The following ZNF680 variants were observed in gnomAD, a reference collection of about 807,000 sequenced individuals.
ZNF680 encodes zinc finger protein 680.
In ZNF680, 6 loss-of-function variants were observed where a neutral mutation model predicts 12.1. The ratio of observed to expected loss-of-function variants is 0.49; its 90% CI spans 0.27 to 0.98. The LOEUF (loss-of-function observed/expected upper bound fraction) is 0.98, where lower values mean the gene tolerates loss of function less well. Among genes scored for constraint, ZNF680 ranks in the 50% least tolerant of loss-of-function variants. The pLI is 0.12. For synonymous variants in ZNF680, 170 were observed against 199.3 expected, an observed-to-expected ratio of 0.85 and a Z score of 1.24; for missense variants, 561 against 616.3, an observed-to-expected ratio of 0.91 and a Z score of 0.95.
chr7:64,563,019 G>C lies in ZNF680; in HGVS notation c.-65C>G. The C allele has an allele frequency of 1.3e-6, 2 of 1,585,394 alleles. No homozygotes were observed. Among genetic ancestry groups the C allele is most frequent in the Non-Finnish European group, 1.7e-6 (2 of 1,154,980 alleles). Reference sequence around the variant, plus strand: ...CACAGAGGCTGGGCCTCTAGGAGCAGAATACACAGAGCAGTAAAGACTAGA... The same window carrying C: ...CACAGAGGCTGGGCCTCTAGGAGCACAATACACAGAGCAGTAAAGACTAGA... On this transcript the variant is annotated 5_prime_UTR_variant, in exon 1 of 4. Coordinates refer to ENST00000309683, the MANE Select transcript of ZNF680 (RefSeq NM_178558.5).
chr7:64,511,915 C>T, the ZNF680 span, among the ~76,000 whole-genome samples: 1 of 151,184 alleles, frequency 6.6e-6, no homozygotes, highest in Non-Finnish European at 1.5e-5. Flanking sequence ...AAAAATTAGC[C>T]GGGCATGGTG....
At chr7:64,546,850 C>G (rs73130769) in intron 1 of ZNF680, among the ~76,000 whole-genome samples, 34,302 of 151,960 alleles carry the variant, frequency 0.23, 4,066 homozygotes, top group South Asian at 0.28. Flanking sequence ...CCTGTCTCTA[C>G]CAAACCCGAA....
the ZNF680 span, among the ~76,000 whole-genome samples, chr7:64,500,228 C>A: frequency 6.6e-6 from 1 of 151,930 alleles, no homozygotes; most frequent in Non-Finnish European, 1.5e-5. Context: ...CAGCTAATGA[C>A]CCAAATGAAG....
At chr7:64,516,717 GC>G (rs1355613542), downstream of ZNF680, among the ~76,000 whole-genome samples, 1 of 151,964 alleles carries the variant, frequency 6.6e-6, no homozygotes, top group Non-Finnish European at 1.5e-5. Context: ...CATATGATAG[GC>G]CAAAAAACAA....
intron 3 of ZNF680, among the ~76,000 whole-genome samples, chr7:64,528,749 C>G (rs945834819): frequency 2.0e-5 from 3 of 152,136 alleles, no homozygotes; most frequent in Admixed American, 2.0e-4. Flanking sequence ...ACACTCGTAT[C>G]TGAACACAAA....
chr7:64,554,354 G>C (rs1042486393), intron 1 of ZNF680, among the ~76,000 whole-genome samples: 83 of 151,992 alleles, frequency 5.5e-4, no homozygotes, highest in Non-Finnish European at 1.0e-3. Flanking sequence ...CCTGGCAGCC[G>C]CCCCGTCCGG....
intron 1 of ZNF680, among the ~76,000 whole-genome samples, chr7:64,555,820 G>A (rs749493071): frequency 2.0e-5 from 3 of 151,200 alleles, no homozygotes; most frequent in Non-Finnish European, 4.4e-5. Flanking sequence ...AATTAGAAAT[G>A]ACTACCACTG....
the ZNF680 span, among the ~76,000 whole-genome samples, chr7:64,512,789 T>G: frequency 6.6e-6 from 1 of 152,134 alleles, no homozygotes; most frequent in South Asian, 2.1e-4. Context: ...TGGTTATACA[T>G]GTGTTGTGTG....
chr7:64,512,298 CA>C, the ZNF680 span, among the ~76,000 whole-genome samples: 1 of 150,516 alleles, frequency 6.6e-6, no homozygotes, highest in Non-Finnish European at 1.5e-5. Flanking sequence ...AAAAAAAATA[CA>C]AAAATTAGCT....
chr7:64,507,980 A>AT, the ZNF680 span, among the ~76,000 whole-genome samples: 1 of 150,974 alleles, frequency 6.6e-6, no homozygotes, highest in African/African-American at 2.4e-5. Context: ...AATTTTCTTG[A>AT]TTTTTAATGT....
chr7:64,518,623 T>C (rs944443843), downstream of ZNF680, among the ~76,000 whole-genome samples: 3 of 151,832 alleles, frequency 2.0e-5, no homozygotes, highest in Non-Finnish European at 4.4e-5. Flanking sequence ...AAAAACAGCA[T>C]GGTACTGATA....
At chr7:64,505,578 T>C in the ZNF680 span, among the ~76,000 whole-genome samples, 1 of 152,178 alleles carries the variant, frequency 6.6e-6, no homozygotes, top group South Asian at 2.1e-4. Flanking sequence ...ATGAGATCCC[T>C]TGTTGGTAGG....
intron 1 of ZNF680, among the ~76,000 whole-genome samples, chr7:64,553,849 G>A (rs1274325211): frequency 6.6e-6 from 1 of 152,190 alleles, no homozygotes; most frequent in African/African-American, 2.4e-5. Context: ...GGCCTCCCGA[G>A]GTGCCGGGAT....
At chr7:64,526,568 A>G in intron 3 of ZNF680, 1 of 418,792 alleles carries the variant, frequency 2.4e-6, no homozygotes, top group Non-Finnish European at 4.2e-6. Flanking sequence ...TTTAAAAAAA[A>G]AAAATGATGC....
intron 3 of ZNF680, chr7:64,525,300 C>A (rs1030737649): frequency 1.3e-5 from 2 of 151,962 alleles, no homozygotes; most frequent in African/African-American, 4.8e-5. Flanking sequence ...TTACTGAAAG[C>A]CAATAGGTAA....
At chr7:64,503,601 G>C in the ZNF680 span, among the ~76,000 whole-genome samples, 1 of 152,050 alleles carries the variant, frequency 6.6e-6, no homozygotes, top group Non-Finnish European at 1.5e-5. Flanking sequence ...GGCTGGTCTC[G>C]AACTCCTGAC....
downstream of ZNF680, among the ~76,000 whole-genome samples, chr7:64,517,880 G>A (rs566816793): frequency 3.9e-5 from 6 of 151,956 alleles, no homozygotes; most frequent in Non-Finnish European, 7.4e-5. Flanking sequence ...ACACAATCCG[G>A]CATTCCTTTA....
At chr7:64,503,823 ATCACT>A in the ZNF680 span, among the ~76,000 whole-genome samples, 1 of 152,194 alleles carries the variant, frequency 6.6e-6, no homozygotes, top group African/African-American at 2.4e-5. Context: ...TTATCCACAC[ATCACT>A]TCCACTCACT....
At chr7:64,499,166 T>C in the ZNF680 span, among the ~76,000 whole-genome samples, 1 of 152,162 alleles carries the variant, frequency 6.6e-6, no homozygotes, top group African/African-American at 2.4e-5. Flanking sequence ...TAATAAAGGA[T>C]CTTTGAAATA....
Sources: gnomAD v4.1 joint callset for allele counts (sites outside exome capture counted in the v4.1 genomes callset) on GRCh38, gnomAD v4.1.1 for gene constraint, MANE v1.5 for transcripts, NCBI Gene and HGNC (gene_info 2026-07-23, HGNC 2026-07-21) for gene names.